AP3D1: variants seen among roughly 807,000 people sequenced by gnomAD.
The protein encoded by AP3D1 is adaptor related protein complex 3 subunit delta 1, also known as AP-3 complex subunit delta-1.
A neutral mutation model predicts 147.6 loss-of-function variants in AP3D1; 51 were observed. The observed-to-expected ratio is 0.35, with a 90% CI of 0.28 to 0.44. AP3D1 has a LOEUF of 0.44. AP3D1 is among the 20% of genes least tolerant of loss of function. AP3D1 has a pLI of 1.00. For missense variants in AP3D1, 1,421 were observed against 1,624.2 expected (o/e 0.87, Z 2.15); for synonymous variants, 760 against 663.0 (o/e 1.15, Z -2.25).
In AP3D1 at chr19:2,127,272, C is replaced by A. The variant is rs537983979; in HGVS notation, c.807-71G>T. ...GTCAGATGCAGTGACCCAGTGCCGG[C>A]AGCTCAGCTGGAGACGGCCTCCGCC... On this transcript the variant is annotated intron_variant, in intron 8 of 31. Coordinates refer to ENST00000643116, the MANE Select transcript of AP3D1 (RefSeq NM_001261826.3). 7 of 1,554,112 alleles carry A rather than the reference C, an allele frequency of 4.5e-6. No individual in the cohort carries two copies. In the African/African-American group the frequency reaches 5.4e-5, roughly 12 times the overall value.
intron 31 of AP3D1, among the ~76,000 whole-genome samples, chr19:2,103,048 C>G (rs1264319604): frequency 6.6e-6 from 1 of 152,016 alleles, no homozygotes; most frequent in Non-Finnish European, 1.5e-5. Flanking sequence ...CGCTTGAGCC[C>G]AGGAGGGTGA....
intron 31 of AP3D1, among the ~76,000 whole-genome samples, chr19:2,108,468 C>A (rs537568882): frequency 1.3e-5 from 2 of 152,176 alleles, no homozygotes; most frequent in African/African-American, 2.4e-5. Context: ...TGTCAGCCTG[C>A]GGTGAGCAGC....
Position 2,127,101 on chromosome 19 carries a change from C to T in AP3D1, c.856+51G>A, listed in dbSNP as rs371832182. 4.2e-5 allele frequency: 68 copies of T among 1,601,060 alleles called. No homozygotes were observed. The African/African-American group carries it at 5.5e-4, about 13-fold the overall frequency. ...GCGCCCTCCTGTCCCCACCTGAGAC[C>T]CCAGCCTGGCAGTGCCAGCCCTTCC... On this transcript the variant is annotated intron_variant, in intron 9 of 31. Coordinates refer to ENST00000643116, the MANE Select transcript of AP3D1 (RefSeq NM_001261826.3).
At chr19:2,123,715 A>G in intron 10 of AP3D1, 115 bp downstream of exon 10, 1 of 1,315,220 alleles carries the variant, frequency 7.6e-7, no homozygotes, top group East Asian at 2.5e-5. Context: ...CCCAAGCCGC[A>G]AGATGGCGTG....
rs889141281 is a variant in AP3D1 at position 2,156,600 on chromosome 19, C to T, written c.-103+7756G>A. On this transcript the variant is annotated intron_variant, in intron 1 of 14. Coordinates refer to the AP3D1 transcript ENST00000643010. Reference sequence around the variant, plus strand: ...GCGCGGTGGCTCACGCCTGTAATCCCAGCCCTTTGGGAGGTTGAGGCGGGT... The same window carrying T: ...GCGCGGTGGCTCACGCCTGTAATCCTAGCCCTTTGGGAGGTTGAGGCGGGT... Among the ~76,000 whole-genome samples the T allele has an allele frequency of 2.6e-5, 4 of 151,978 alleles. No individual in the cohort carries two copies. In the South Asian group the frequency reaches 8.3e-4, roughly 32 times the overall value.
At chr19:2,153,361 G>A (rs1482521412), upstream of AP3D1, among the ~76,000 whole-genome samples, 5 of 127,856 alleles carry the variant, frequency 3.9e-5, no homozygotes, top group South Asian at 2.8e-4. Flanking sequence ...GCAAAAGAGC[G>A]AAACATGGTC....
intron 20 of AP3D1, 128 bp downstream of exon 20, chr19:2,115,091 C>T: frequency 9.9e-7 from 1 of 1,008,286 alleles, no homozygotes; most frequent in Non-Finnish European, 1.5e-6. Flanking sequence ...TCCTCCTATG[C>T]TCTCCGGGGT....
chr19:2,119,404 G>C (rs755422219), intron 14 of AP3D1, among the ~76,000 whole-genome samples: 6 of 149,036 alleles, frequency 4.0e-5, no homozygotes, highest in Non-Finnish European at 9.0e-5. Flanking sequence ...TAAAAATACA[G>C]AAAGTGAGGG....
At chr19:2,110,003 C>T in intron 28 of AP3D1, 45 bp from the exon 29 acceptor site, 1 of 1,605,886 alleles carries the variant, frequency 6.2e-7, no homozygotes, top group Non-Finnish European at 8.5e-7. Context: ...GAGTCGGGCC[C>T]AGCTCAGGGC....
At chr19:2,151,140 C>T in intron 1 of AP3D1, 99 bp downstream of exon 1, 2 of 1,193,182 alleles carry the variant, frequency 1.7e-6, no homozygotes, top group Non-Finnish European at 2.3e-6. Flanking sequence ...TAAGACAGAG[C>T]CCGGGCGGGC....
At chr19:2,162,367 CCGGGTG>C (rs1228652586) in intron 1 of AP3D1, among the ~76,000 whole-genome samples, 1 of 146,458 alleles carries the variant, frequency 6.8e-6, no homozygotes, top group Non-Finnish European at 1.5e-5. Flanking sequence ...ACTAAAGGGG[CCGGGTG>C]CGGTGGCTGA....
intron 4 of AP3D1, among the ~76,000 whole-genome samples, chr19:2,135,914 G>A (rs1271301594): frequency 3.3e-5 from 5 of 150,752 alleles, no homozygotes; most frequent in African/African-American, 9.8e-5. Context: ...TGCAAAACCC[G>A]CCCCCATCCT....
intron 7 of AP3D1, 66 bp downstream of exon 7, chr19:2,129,252 G>T: frequency 1.3e-6 from 2 of 1,596,690 alleles, no homozygotes; most frequent in Non-Finnish European, 1.7e-6. Flanking sequence ...CGCAGGGAAT[G>T]CCCCACACAG....
chr19:2,154,304 C>A (rs1324519302), upstream of AP3D1, among the ~76,000 whole-genome samples: 8 of 141,884 alleles, frequency 5.6e-5, no homozygotes, highest in African/African-American at 2.1e-4. Context: ...TTTTTTGAGA[C>A]AGTCTCATTC....
In AP3D1 at chr19:2,110,781, A is replaced by G; in HGVS notation, c.3101T>C (p.Leu1034Pro). ...KGMELSVLDS[L>P]NARMARPQGS... Reference sequence around the variant, plus strand: ...CTGCGGCCGGGCCATCCTGGCATTGAGTGAGTCCAGCACGCTGAGCTCCAT... The same window carrying G: ...CTGCGGCCGGGCCATCCTGGCATTGGGTGAGTCCAGCACGCTGAGCTCCAT... The change falls in exon 27 of 32, where the codon CTC (leucine) becomes CCC (proline). Residue 1034 changes from leucine (L) to proline (P), a missense_variant. This residue lies in a region of AP3D1 where 791 missense variants were observed against 761.4 expected (regional missense o/e 1.04). Coordinates refer to ENST00000643116, the MANE Select transcript of AP3D1 (RefSeq NM_001261826.3). The G allele has an allele frequency of 2.5e-6, 4 of 1,613,196 alleles. No homozygotes were observed. The highest frequency in any genetic ancestry group is 3.4e-6 in the Non-Finnish European group (4 of 1,179,972).
At chr19:2,163,143 G>A (rs978698322) in intron 1 of AP3D1, among the ~76,000 whole-genome samples, 3 of 152,098 alleles carry the variant, frequency 2.0e-5, no homozygotes, top group African/African-American at 4.8e-5. Flanking sequence ...GTGCAATATC[G>A]GCTCACTGCA....
chr19:2,120,739 G>A, intron 14 of AP3D1, 123 bp downstream of exon 14: 1 of 977,268 alleles, frequency 1.0e-6, no homozygotes, highest in Non-Finnish European at 1.5e-6. Context: ...CCACGGACCT[G>A]CAAGACGGCC....
At chr19:2,134,815 A>G (rs1332533503) in intron 4 of AP3D1, among the ~76,000 whole-genome samples, 3 of 150,802 alleles carry the variant, frequency 2.0e-5, no homozygotes, top group Non-Finnish European at 4.4e-5. Context: ...TGGTCAGGCT[A>G]GTCTCAAACT....
intron 1 of AP3D1, among the ~76,000 whole-genome samples, chr19:2,149,108 C>T (rs1312942857): frequency 6.6e-6 from 1 of 152,158 alleles, no homozygotes; most frequent in Admixed American, 6.5e-5. Flanking sequence ...CCTGAGTTAC[C>T]ACCCTCTGGA....
Sources: gnomAD v4.1 joint callset for allele counts (sites outside exome capture counted in the v4.1 genomes callset) on GRCh38, gnomAD v4.1.1 for gene constraint, gnomAD v4.1.1 regional missense constraint, MANE v1.5 for transcripts, NCBI Gene and HGNC (gene_info 2026-07-23, HGNC 2026-07-21) for gene names.